Variants in SLC23A2 observed in about 807,000 individuals in gnomAD.
SLC23A2 encodes solute carrier family 23 member 2, also known as Na(+)/L-ascorbic acid transporter 2.
SLC23A2 carries 36 observed loss-of-function variants against 73.3 expected under a neutral mutation model. That is an observed-to-expected ratio of 0.49 (90% CI 0.38 to 0.65). The LOEUF (loss-of-function observed/expected upper bound fraction) is 0.65, where lower values mean the gene tolerates loss of function less well. Ranked by LOEUF, SLC23A2 falls within the 30% of genes least tolerant of loss-of-function variation. The probability of loss-of-function intolerance (pLI) is 0.00; values close to 1 mark genes in which losing one functional copy is unlikely to be tolerated. For synonymous variants in SLC23A2, 343 were observed against 327.3 expected, an observed-to-expected ratio of 1.05 and a Z score of -0.52; for missense variants, 507 against 841.6, an observed-to-expected ratio of 0.60 and a Z score of 4.92.
At chr20:4,951,484 A>T (rs1568638923) in intron 2 of SLC23A2, among the ~76,000 whole-genome samples, 1 of 152,148 alleles carries the variant, frequency 6.6e-6, no homozygotes, top group Non-Finnish European at 1.5e-5. Context: ...CCAAGCTGTG[A>T]CTCATCAGTG....
At chr20:4,948,261 G>C (rs7351148) in intron 2 of SLC23A2, among the ~76,000 whole-genome samples, 252 of 152,304 alleles carry the variant, frequency 1.7e-3, no homozygotes, top group Non-Finnish European at 2.6e-3. Context: ...GAAAGATCCA[G>C]CTCCACTTTG....
intron 3 of SLC23A2, among the ~76,000 whole-genome samples, chr20:4,919,988 C>T (rs1452322451): frequency 3.3e-5 from 5 of 152,204 alleles, no homozygotes; most frequent in Admixed American, 6.5e-5. Flanking sequence ...AGGCCGGGTG[C>T]GGTGGCTCAC....
At chr20:4,918,937 C>T (rs1437968432) in intron 3 of SLC23A2, among the ~76,000 whole-genome samples, 1 of 152,214 alleles carries the variant, frequency 6.6e-6, no homozygotes, top group Non-Finnish European at 1.5e-5. Flanking sequence ...GTGCACACAC[C>T]GTTATTTCCT....
intron 1 of SLC23A2, among the ~76,000 whole-genome samples, chr20:4,995,880 T>C (rs1331080800): frequency 6.6e-6 from 1 of 152,204 alleles, no homozygotes; most frequent in Non-Finnish European, 1.5e-5. Context: ...CAGAGCTCCC[T>C]GGCACTCAAC....
intron 9 of SLC23A2, among the ~76,000 whole-genome samples, chr20:4,879,477 T>C (rs1038265633): frequency 2.7e-5 from 4 of 149,958 alleles, no homozygotes; most frequent in Non-Finnish European, 5.9e-5. Flanking sequence ...AGGATGTAGG[T>C]TGAATTTTAA....
intron 1 of SLC23A2, among the ~76,000 whole-genome samples, chr20:4,983,623 GTGA>G (rs2087767429): frequency 6.9e-6 from 1 of 145,540 alleles, no homozygotes; most frequent in Admixed American, 7.1e-5. Flanking sequence ...TCCAGCCTGG[GTGA>G]CAAAGCAAGA....
At chr20:4,866,840 C>T (rs17254239) in intron 13 of SLC23A2, among the ~76,000 whole-genome samples, 1,614 of 152,188 alleles carry the variant, frequency 0.011, 24 homozygotes, top group Middle Eastern at 0.034. Flanking sequence ...AGAAGGTTTC[C>T]GGGCTCACCC....
chr20:4,959,824 C>T (rs1208740538), intron 2 of SLC23A2, among the ~76,000 whole-genome samples: 3 of 152,110 alleles, frequency 2.0e-5, no homozygotes, highest in African/African-American at 2.4e-5. Context: ...CTCTCTGTCA[C>T]GTAGGCAGGA....
At chr20:5,009,886 G>A (rs192587508) in intron 1 of SLC23A2, among the ~76,000 whole-genome samples, 4 of 152,220 alleles carry the variant, frequency 2.6e-5, no homozygotes, top group East Asian at 1.9e-4. Flanking sequence ...ATGAGGTCAG[G>A]AGATCGAGAC....
intron 3 of SLC23A2, among the ~76,000 whole-genome samples, chr20:4,914,883 T>C (rs1932270961): frequency 6.6e-6 from 1 of 151,970 alleles, no homozygotes; most frequent in Non-Finnish European, 1.5e-5. Context: ...CTACTAAAAA[T>C]ACAAAAATAA....
chr20:4,873,499 G>A (rs1170428440), intron 11 of SLC23A2, among the ~76,000 whole-genome samples: 2 of 152,172 alleles, frequency 1.3e-5, no homozygotes, highest in East Asian at 3.8e-4. Context: ...GATTATGGCT[G>A]CCCATTAAGA....
At chr20:4,874,539 G>C in intron 10 of SLC23A2, 37 bp downstream of exon 10, 1 of 1,566,572 alleles carries the variant, frequency 6.4e-7, no homozygotes, top group Non-Finnish European at 8.6e-7. Context: ...TTAACCAAGG[G>C]CAAAAATGTC....
At chr20:5,004,768 G>A (rs2088171897), upstream of SLC23A2, among the ~76,000 whole-genome samples, 2 of 152,172 alleles carry the variant, frequency 1.3e-5, no homozygotes, top group African/African-American at 4.8e-5. Context: ...GGGAGGCCGA[G>A]GCAGGTGGAT....
At chr20:4,952,023 G>C (rs2087210220) in intron 2 of SLC23A2, among the ~76,000 whole-genome samples, 1 of 137,178 alleles carries the variant, frequency 7.3e-6, no homozygotes, top group Non-Finnish European at 1.5e-5. Context: ...AGAATCGCTT[G>C]AACCTGGGAG....
intron 1 of SLC23A2, among the ~76,000 whole-genome samples, chr20:4,975,917 G>T (rs1225509756): frequency 2.1e-5 from 3 of 145,868 alleles, no homozygotes; most frequent in Non-Finnish European, 4.6e-5. Context: ...GCAGTGGCGC[G>T]ATCTCGGCTC....
At chr20:5,003,284 T>TGA (rs1429707877), upstream of SLC23A2, among the ~76,000 whole-genome samples, 3 of 152,016 alleles carry the variant, frequency 2.0e-5, no homozygotes, top group Non-Finnish European at 4.4e-5. Context: ...CTCGGGAGGC[T>TGA]GAGGCAGGAG....
At chr20:4,929,892 A>G (rs1284777702) in intron 3 of SLC23A2, among the ~76,000 whole-genome samples, 1 of 152,224 alleles carries the variant, frequency 6.6e-6, no homozygotes, top group African/African-American at 2.4e-5. Context: ...CGTATCATTC[A>G]CAGAAGTCTG....
At chr20:4,985,026 A>G (rs1165030060) in intron 1 of SLC23A2, among the ~76,000 whole-genome samples, 2 of 151,900 alleles carry the variant, frequency 1.3e-5, no homozygotes, top group Non-Finnish European at 2.9e-5. Context: ...AGTTCCGGCT[A>G]CTTGGGAGGC....
intron 2 of SLC23A2, among the ~76,000 whole-genome samples, chr20:4,956,114 G>A (rs771120553): frequency 6.6e-6 from 1 of 152,114 alleles, no homozygotes; most frequent in Non-Finnish European, 1.5e-5. Context: ...AAATAATTTT[G>A]CATTTGAAAA....
Sources: allele counts gnomAD v4.1 joint callset (sites outside exome capture counted in the v4.1 genomes callset), GRCh38; gene constraint gnomAD v4.1.1; transcripts MANE v1.5; gene names NCBI Gene and HGNC (gene_info 2026-07-23, HGNC 2026-07-21).